XIRP2: variants seen among roughly 807,000 people sequenced by gnomAD.
XIRP2 encodes xin actin binding repeat containing 2.
XIRP2 carries 236 observed loss-of-function variants against 277.0 expected under a neutral mutation model. The ratio of observed to expected loss-of-function variants is 0.85; its 90% confidence interval spans 0.77 to 0.95. XIRP2 has a LOEUF of 0.95. Among genes scored for constraint, XIRP2 ranks in the 40% least tolerant of loss-of-function variants. XIRP2 has a pLI of 0.00. For synonymous variants in XIRP2, 1,490 were observed against 1,416.5 expected (o/e 1.05, Z -1.17); for missense variants, 4,640 against 4,157.5 (o/e 1.12, Z -3.19).
At chr2:166,955,918 G>C (rs912788823) in intron 2 of XIRP2, among the ~76,000 whole-genome samples, 3 of 151,142 alleles carry the variant, frequency 2.0e-5, no homozygotes, top group African/African-American at 7.3e-5. Flanking sequence ...TCTTCACTAA[G>C]TTTCACTGGC....
chr2:166,949,314 A>C (rs912615786), intron 2 of XIRP2, among the ~76,000 whole-genome samples: 3 of 152,118 alleles, frequency 2.0e-5, no homozygotes, highest in Non-Finnish European at 4.4e-5. Flanking sequence ...TAAACAACTT[A>C]CTTAGCTCTC....
chr2:167,168,290 C>A (rs565790603), intron 3 of XIRP2, among the ~76,000 whole-genome samples: 3 of 152,040 alleles, frequency 2.0e-5, no homozygotes, highest in African/African-American at 4.8e-5. Flanking sequence ...CATTACTTTG[C>A]GGGAAACTCT....
At chr2:167,049,100 G>A (rs1688856928) in intron 2 of XIRP2, among the ~76,000 whole-genome samples, 1 of 151,516 alleles carries the variant, frequency 6.6e-6, no homozygotes, top group Non-Finnish European at 1.5e-5. Context: ...ACTTCAATGA[G>A]TTCTTTTTCT....
chr2:167,008,527 C>T (rs1030770838), intron 2 of XIRP2, among the ~76,000 whole-genome samples: 5 of 151,422 alleles, frequency 3.3e-5, no homozygotes, highest in Admixed American at 6.6e-5. Flanking sequence ...GAATTAATAA[C>T]GGAGGGCAGC....
At chr2:167,082,412 G>T (rs1689765209) in intron 2 of XIRP2, among the ~76,000 whole-genome samples, 1 of 151,914 alleles carries the variant, frequency 6.6e-6, no homozygotes, top group Non-Finnish European at 1.5e-5. Context: ...ACATACATGT[G>T]CATGTGTCTT....
At chr2:167,028,029 GA>G (rs1688223377) in intron 2 of XIRP2, among the ~76,000 whole-genome samples, 3 of 152,074 alleles carry the variant, frequency 2.0e-5, no homozygotes, top group East Asian at 1.9e-4. Context: ...TTTGATATTT[GA>G]AAAATGTTTT....
chr2:167,127,508 G>A (rs1691242447), intron 2 of XIRP2, among the ~76,000 whole-genome samples: 1 of 152,106 alleles, frequency 6.6e-6, no homozygotes, highest in South Asian at 2.1e-4. Context: ...ATCTTTGTTT[G>A]CCCCCCAAAT....
At chr2:167,087,264 G>A (rs1401224153) in intron 2 of XIRP2, among the ~76,000 whole-genome samples, 1 of 152,180 alleles carries the variant, frequency 6.6e-6, no homozygotes, top group Non-Finnish European at 1.5e-5. Context: ...CGGAGGTCAG[G>A]GGTCAGGGAC....
In XIRP2 at chr2:167,259,345, C is replaced by T. The variant is rs370180235; in HGVS notation, c.*1528C>T. 7 of 1,608,262 alleles carry T rather than the reference C, an allele frequency of 4.4e-6. No homozygotes were observed. The highest frequency in any genetic ancestry group is 3.3e-4 in the Middle Eastern group (2 of 6,040). On this transcript the variant is annotated 3_prime_UTR_variant, in exon 11 of 11. Coordinates refer to ENST00000409195, the MANE Select transcript of XIRP2 (RefSeq NM_152381.6). Reference sequence around the variant, plus strand: ...AAGAGCAGATTAAAAGAAACAGGTGCTACAGTGACACTGAGTAAAATATCT... The same window carrying T: ...AAGAGCAGATTAAAAGAAACAGGTGTTACAGTGACACTGAGTAAAATATCT...
intron 2 of XIRP2, among the ~76,000 whole-genome samples, chr2:167,129,654 T>C (rs1196668738): frequency 5.3e-5 from 8 of 152,078 alleles, no homozygotes; most frequent in Non-Finnish European, 1.0e-4. Flanking sequence ...GTGGATCACC[T>C]GAGGTTGGGA....
chr2:167,241,047 C>T (rs371969453), intron 7 of XIRP2, among the ~76,000 whole-genome samples: 1 of 152,146 alleles, frequency 6.6e-6, no homozygotes, highest in African/African-American at 2.4e-5. Flanking sequence ...GTTTATCAAG[C>T]TCCCTGAGAA....
At chr2:166,970,164 C>T (rs1466505063) in intron 2 of XIRP2, among the ~76,000 whole-genome samples, 6 of 151,998 alleles carry the variant, frequency 3.9e-5, no homozygotes, top group Admixed American at 2.6e-4. Flanking sequence ...TTTGCTTGCT[C>T]TATATCCTTC....
chr2:167,159,447 A>AT (rs150926744), intron 3 of XIRP2, among the ~76,000 whole-genome samples: 90 of 152,284 alleles, frequency 5.9e-4, no homozygotes, highest in African/African-American at 2.0e-3. Flanking sequence ...ACAAGGATAC[A>AT]TTTTTTATTC....
At chr2:167,092,213 A>G (rs1219683085) in intron 2 of XIRP2, among the ~76,000 whole-genome samples, 1 of 152,084 alleles carries the variant, frequency 6.6e-6, no homozygotes, top group Admixed American at 6.5e-5. Flanking sequence ...TATCACAATT[A>G]TTTTGCTCAC....
chr2:167,156,078 C>T (rs1028889848), intron 3 of XIRP2, among the ~76,000 whole-genome samples: 104 of 151,334 alleles, frequency 6.9e-4, no homozygotes, highest in African/African-American at 2.3e-3. Context: ...CTACAAACCA[C>T]TGCTCAATGA....
intron 3 of XIRP2, among the ~76,000 whole-genome samples, chr2:167,143,981 C>T (rs1002269686): frequency 1.3e-5 from 2 of 151,868 alleles, no homozygotes; most frequent in Non-Finnish European, 2.9e-5. Context: ...TTTAAAATGT[C>T]TATTGTCTCT....
chr2:167,122,415 A>G (rs1050237217), intron 2 of XIRP2, among the ~76,000 whole-genome samples: 4 of 152,188 alleles, frequency 2.6e-5, no homozygotes, highest in Non-Finnish European at 4.4e-5. Context: ...ACATTCTAGG[A>G]GAAGCAAGGA....
chr2:167,007,177 CAAATT>C (rs1016533063), intron 2 of XIRP2, among the ~76,000 whole-genome samples: 2 of 151,510 alleles, frequency 1.3e-5, no homozygotes, highest in Non-Finnish European at 3.0e-5. Flanking sequence ...ATTTTTAAAA[CAAATT>C]AAACATATCT....
chr2:167,104,524 C>T (rs936741589), intron 2 of XIRP2, among the ~76,000 whole-genome samples: 1 of 152,068 alleles, frequency 6.6e-6, no homozygotes, highest in South Asian at 2.1e-4. Context: ...CTGGCCTGAA[C>T]TGAATGCTTG....
Sources: gnomAD v4.1 joint callset for allele counts (sites outside exome capture counted in the v4.1 genomes callset) on GRCh38, gnomAD v4.1.1 for gene constraint, MANE v1.5 for transcripts, NCBI Gene and HGNC (gene_info 2026-07-23, HGNC 2026-07-21) for gene names.